Variants in SMARCA2 observed in about 807,000 individuals in gnomAD.
SMARCA2 encodes the protein SWI/SNF-related matrix-associated actin-dependent regulator of chromatin subfamily A member 2.
SMARCA2 carries 61 observed loss-of-function variants against 199.8 expected under a neutral mutation model. The observed-to-expected ratio is 0.31, with a 90% CI of 0.25 to 0.38. The LOEUF (loss-of-function observed/expected upper bound fraction) is 0.38, where lower values mean the gene tolerates loss of function less well. SMARCA2 is among the 10% of genes least tolerant of loss of function. The probability of loss-of-function intolerance (pLI) is 1.00; values close to 1 mark genes in which losing one functional copy is unlikely to be tolerated. For synonymous variants in SMARCA2, 935 were observed against 732.0 expected, an observed-to-expected ratio of 1.28 and a Z score of -4.48; for missense variants, 1,344 against 2,012.2, an observed-to-expected ratio of 0.67 and a Z score of 6.35.
intron 14 of SMARCA2, 61 bp downstream of exon 14, chr9:2,077,837 A>C (rs1333745797): frequency 2.2e-5 from 33 of 1,481,440 alleles, no homozygotes; most frequent in Non-Finnish European, 3.0e-5. Context: ...TTTTGATTGA[A>C]GTATGTCGTG....
chr9:2,139,006 G>C (rs1479263429), intron 27 of SMARCA2, among the ~76,000 whole-genome samples: 1 of 152,216 alleles, frequency 6.6e-6, no homozygotes, highest in East Asian at 1.9e-4. Context: ...CTGGTCAAAT[G>C]TGTAGAGCTT....
intron 12 of SMARCA2, 109 bp downstream of exon 12, chr9:2,073,732 A>T: frequency 1.3e-6 from 1 of 797,548 alleles, no homozygotes; most frequent in Non-Finnish European, 2.1e-6. Context: ...TTCTTCCTCC[A>T]GGATTGGCCT....
Position 2,123,318 on chromosome 9 carries a change from C to G in SMARCA2, c.3763-401C>G, listed in dbSNP as rs1453605805. 1.3e-5 allele frequency among the ~76,000 whole-genome samples: 2 copies of G among 151,958 alleles called. No individual in the cohort carries two copies. The highest frequency in any genetic ancestry group is 4.8e-5 in the African/African-American group (2 of 41,364). ...AAAGGAAACTTTCTTAAAGATCTTT[C>G]TTTTCTTTACTCAAAGAATAAGTTT... On this transcript the variant is annotated intron_variant, in intron 26 of 33. Coordinates refer to ENST00000349721, the MANE Select transcript of SMARCA2 (RefSeq NM_003070.5). The surrounding 1 kb of genome is among the most constrained non-coding windows in gnomAD (Gnocchi z 4.1).
chr9:2,079,114 G>C (rs4741643), intron 14 of SMARCA2, among the ~76,000 whole-genome samples: 60,905 of 151,940 alleles, frequency 0.4, 14,485 homozygotes, highest in African/African-American at 0.67. Flanking sequence ...GACTGTCCCT[G>C]AACAACAACC....
At chr9:2,037,580 ATGGTGAATCCCCAGT>A in intron 3 of SMARCA2, among the ~76,000 whole-genome samples, 1 of 152,288 alleles carries the variant, frequency 6.6e-6, no homozygotes, top group East Asian at 1.9e-4. Context: ...GTGAATTATG[ATGGTGAATCCCCAGT>A]TGGTGGCGGT....
At chr9:2,052,175 G>A (rs1820147617) in intron 5 of SMARCA2, among the ~76,000 whole-genome samples, 1 of 152,212 alleles carries the variant, frequency 6.6e-6, no homozygotes. Flanking sequence ...GTGTTGGTAT[G>A]CATAGTTAAT....
At position 2,110,172 on chromosome 9, in the gene SMARCA2, A is replaced by C; in HGVS notation, c.3293-82A>C. 1 of 1,139,298 alleles carries C rather than the reference A, an allele frequency of 8.8e-7. No individual in the cohort carries two copies. Among genetic ancestry groups the C allele is most frequent in the Non-Finnish European group, 1.2e-6 (1 of 803,540 alleles). The allele number at this position is 1,139,298 out of a possible 1,614,324, so 70.6% of individuals were successfully genotyped here. A position where few individuals can be genotyped will look rare whatever the true frequency, so the allele number is the denominator to read the frequency against. ...AGGAGGAGTCTGGGTATATTTCTTG[A>C]AGGAAGCAAGCCTTTTTGTCTCATT... On this transcript the variant is annotated intron_variant, in intron 23 of 33. Coordinates refer to ENST00000349721, the MANE Select transcript of SMARCA2 (RefSeq NM_003070.5). This position sits in a 1 kb window ranked among gnomAD's most constrained non-coding sequence, Gnocchi z 4.8.
At chr9:2,046,492 A>C (rs185111631) in intron 4 of SMARCA2, among the ~76,000 whole-genome samples, 3 of 152,170 alleles carry the variant, frequency 2.0e-5, no homozygotes, top group African/African-American at 7.2e-5. Context: ...GTGTTTTCTA[A>C]TATGTAGTAA....
chr9:2,091,333 T>C (rs1822052060), intron 19 of SMARCA2, among the ~76,000 whole-genome samples: 1 of 152,238 alleles, frequency 6.6e-6, no homozygotes. Context: ...TATAGCTTTA[T>C]CTTTTCCAAA....
At chr9:2,179,947 G>C (rs886987486) in intron 29 of SMARCA2, among the ~76,000 whole-genome samples, 3 of 152,126 alleles carry the variant, frequency 2.0e-5, no homozygotes, top group Non-Finnish European at 2.9e-5. Context: ...AAAATGTTTG[G>C]GTGTATAAAT....
intron 12 of SMARCA2, among the ~76,000 whole-genome samples, chr9:2,074,403 G>T (rs1472327809): frequency 2.0e-5 from 3 of 152,106 alleles, no homozygotes; most frequent in Non-Finnish European, 4.4e-5. Flanking sequence ...AGGTGCCGAG[G>T]ACAAGGTAAA....
intron 13 of SMARCA2, 22 bp from the exon 14 acceptor site, chr9:2,077,607 T>G: frequency 2.5e-6 from 4 of 1,611,070 alleles, no homozygotes; most frequent in Non-Finnish European, 3.4e-6. Context: ...TGTGTGTGAT[T>G]CTCCACTTTT....
chr9:2,135,884 C>T (rs975087093), intron 27 of SMARCA2, among the ~76,000 whole-genome samples: 2 of 151,526 alleles, frequency 1.3e-5, no homozygotes, highest in African/African-American at 4.9e-5. Context: ...CTCTGTCGCC[C>T]AGGTTGGAGT....
At position 2,110,209 on chromosome 9, in the gene SMARCA2, T is replaced by C. The variant is rs148698056; in HGVS notation, c.3293-45T>C. The C allele has an allele frequency of 2.5e-3, 3,838 of 1,508,518 alleles. 12 individuals carry two copies. Among genetic ancestry groups the C allele is most frequent in the South Asian group, 7.6e-3 (588 of 76,924 alleles). The allele number at this position is 1,508,518 out of a possible 1,614,324, so 93.4% of individuals were successfully genotyped here. A position where few individuals can be genotyped will look rare whatever the true frequency, so the allele number is the denominator to read the frequency against. On this transcript the variant is annotated intron_variant, in intron 23 of 33. Transcript: ENST00000349721. This position sits in a 1 kb window ranked among gnomAD's most constrained non-coding sequence, Gnocchi z 4.8. ...CTTTTTGTCTCATTCTGTGCCATTT[T>C]CAGACAAGAGTTAATTGGCAAATTA...
intron 3 of SMARCA2, among the ~76,000 whole-genome samples, chr9:2,035,554 A>C (rs565236279): frequency 6.6e-6 from 1 of 152,266 alleles, no homozygotes; most frequent in South Asian, 2.1e-4. Flanking sequence ...TCCCCTCTTC[A>C]ACTTAAGAAT....
intron 27 of SMARCA2, among the ~76,000 whole-genome samples, chr9:2,144,851 C>G (rs953381576): frequency 1.3e-5 from 2 of 152,134 alleles, no homozygotes; most frequent in African/African-American, 4.8e-5. Context: ...TCACCTGTTG[C>G]TGCTGAGGAC....
chr9:2,182,176 C>A lies in SMARCA2; in HGVS notation c.4395C>A (p.Gly1465=), dbSNP rs766785817. ...RIRNHKYRSL[G]DLEKDVMLLC... is the part of the protein sequence containing the mutation. ...GTAATCATAAGTACCGGAGCCTAGG[C>A]GACCTGGAGAAGGATGTCATGCTTC... The change falls in exon 31 of 34, where the codon GGC becomes GGA. Residue 1465 remains glycine (G), a synonymous_variant. Coordinates refer to ENST00000349721, the MANE Select transcript of SMARCA2 (RefSeq NM_003070.5). 6 of 1,613,038 alleles carry A rather than the reference C, an allele frequency of 3.7e-6. No homozygotes were observed. In the Admixed American group the frequency reaches 8.3e-5, roughly 22 times the overall value.
chr9:2,083,685 G>C (rs144874723), intron 16 of SMARCA2, among the ~76,000 whole-genome samples: 1 of 152,202 alleles, frequency 6.6e-6, no homozygotes, highest in African/African-American at 2.4e-5. Flanking sequence ...CACATTCTGC[G>C]TGCTGCTGAC....
In SMARCA2 at chr9:2,086,650, A is replaced by G. The variant is rs1208016286; in HGVS notation, c.2527-179A>G. On this transcript the variant is annotated intron_variant, in intron 17 of 33. Coordinates refer to ENST00000349721, the MANE Select transcript of SMARCA2 (RefSeq NM_003070.5). This position sits in a 1 kb window ranked among gnomAD's most constrained non-coding sequence, Gnocchi z 4.3. The stretch of plus-strand genomic sequence containing the variant: ...TCCTTTAACATTCTATTATTATAGG[A>G]TGTCTTATGCGGCCTATCAGGCATG... Among the ~76,000 whole-genome samples the G allele has an allele frequency of 6.6e-6, 1 of 152,146 alleles. No individual in the cohort carries two copies. The highest frequency in any genetic ancestry group is 1.5e-5 in the Non-Finnish European group (1 of 68,024).
Sources: allele counts gnomAD v4.1 joint callset (sites outside exome capture counted in the v4.1 genomes callset), GRCh38; gene constraint gnomAD v4.1.1; non-coding constraint Gnocchi (gnomAD v3.1); transcripts MANE v1.5; gene names NCBI Gene and HGNC (gene_info 2026-07-23, HGNC 2026-07-21).